The following VAT1L variants were observed in gnomAD, a reference collection of about 807,000 sequenced individuals.
The protein encoded by VAT1L is putative NADPH-dependent quinone oxidoreductase VAT1L.
VAT1L carries 34 observed loss-of-function variants against 44.1 expected under a neutral mutation model. The observed-to-expected ratio is 0.77, with a 90% confidence interval of 0.59 to 1.03. VAT1L has a LOEUF of 1.03. VAT1L is among the 50% of genes least tolerant of loss of function. The pLI, the probability that VAT1L is intolerant of heterozygous loss-of-function variation, is 0.00. For missense variants in VAT1L, 615 were observed against 538.8 expected (o/e 1.14, Z -1.40); for synonymous variants, 253 against 202.2 (o/e 1.25, Z -2.13).
chr16:77,818,773 A>G (rs909526774), intron 2 of VAT1L, among the ~76,000 whole-genome samples: 6 of 152,240 alleles, frequency 3.9e-5, no homozygotes, highest in African/African-American at 1.4e-4. Flanking sequence ...GCACAAAAAA[A>G]TAAGTCACTT....
At chr16:77,840,742 C>G (rs1430419503) in intron 3 of VAT1L, among the ~76,000 whole-genome samples, 4 of 148,870 alleles carry the variant, frequency 2.7e-5, no homozygotes, top group East Asian at 1.9e-4. Flanking sequence ...TGTTTGATTC[C>G]TGGCCCAGCT....
intron 3 of VAT1L, among the ~76,000 whole-genome samples, chr16:77,836,040 A>G (rs948303157): frequency 6.6e-6 from 1 of 152,144 alleles, no homozygotes; most frequent in Admixed American, 6.5e-5. Context: ...TCATCTGTAT[A>G]GTGGAGGTGA....
chr16:77,817,107 A>G (rs978931695), intron 2 of VAT1L, 57 bp downstream of exon 2: 24 of 1,576,200 alleles, frequency 1.5e-5, no homozygotes, highest in Non-Finnish European at 2.1e-5. Flanking sequence ...TTGAGACAAC[A>G]AAAGATGATG....
rs180723818 is a variant in VAT1L, at chr16:77,849,105, G to T, written c.580-13643G>T. On this transcript the variant is annotated intron_variant, in intron 3 of 8. Coordinates refer to ENST00000302536, the MANE Select transcript of VAT1L (RefSeq NM_020927.3). ...ACCTAATGTACATGATGGGTTGATG[G>T]GTGCAGCAAACCACCATGGCACGTG... Among the ~76,000 whole-genome samples the T allele has an allele frequency of 1.6e-4, 25 of 152,180 alleles. No homozygotes were observed. The East Asian group carries it at 4.8e-3, about 29-fold the overall frequency.
chr16:77,957,155 C>G (rs886714706), intron 7 of VAT1L, among the ~76,000 whole-genome samples: 1 of 152,176 alleles, frequency 6.6e-6, no homozygotes, highest in African/African-American at 2.4e-5. Flanking sequence ...AAAGATAGCT[C>G]CCCACTTGAG....
chr16:77,914,918 G>C (rs1313222882), intron 7 of VAT1L, among the ~76,000 whole-genome samples: 1 of 152,184 alleles, frequency 6.6e-6, no homozygotes, highest in Non-Finnish European at 1.5e-5. Context: ...CTGAGGTCGG[G>C]AGTTCGAGAC....
intron 7 of VAT1L, among the ~76,000 whole-genome samples, chr16:77,891,543 G>A (rs2017266047): frequency 6.6e-6 from 1 of 152,164 alleles, no homozygotes; most frequent in Non-Finnish European, 1.5e-5. Context: ...CTGTAGTGAA[G>A]GTCGCTGTCC....
At chr16:77,865,260 C>T (rs566164645) in intron 4 of VAT1L, among the ~76,000 whole-genome samples, 12 of 152,154 alleles carry the variant, frequency 7.9e-5, no homozygotes, top group Admixed American at 2.6e-4. Flanking sequence ...GGTGTGACTG[C>T]GCCCGGTCAG....
At chr16:77,966,200 C>T (rs1049013987) in intron 7 of VAT1L, among the ~76,000 whole-genome samples, 7 of 152,010 alleles carry the variant, frequency 4.6e-5, no homozygotes, top group East Asian at 3.8e-4. Flanking sequence ...ATTTGTGGTT[C>T]GCTTTATATT....
intron 2 of VAT1L, among the ~76,000 whole-genome samples, chr16:77,820,585 G>C (rs2016435901): frequency 6.6e-6 from 1 of 152,102 alleles, no homozygotes. Context: ...GCTTGTCTTA[G>C]CAACACCAAG....
chr16:77,900,228 C>T, intron 7 of VAT1L, among the ~76,000 whole-genome samples: 1 of 152,120 alleles, frequency 6.6e-6, no homozygotes, highest in Non-Finnish European at 1.5e-5. Context: ...GGAATCCAAG[C>T]CACATTCCTT....
chr16:77,950,920 TA>T (rs1231306201), intron 7 of VAT1L, among the ~76,000 whole-genome samples: 1 of 152,166 alleles, frequency 6.6e-6, no homozygotes, highest in East Asian at 1.9e-4. Context: ...TGGCAGCTAA[TA>T]AATGAACACG....
At chr16:77,935,915 G>A (rs2017790014) in intron 7 of VAT1L, among the ~76,000 whole-genome samples, 1 of 152,110 alleles carries the variant, frequency 6.6e-6, no homozygotes, top group Non-Finnish European at 1.5e-5. Flanking sequence ...GAAGTACCCG[G>A]CATTGTCTAA....
At chr16:77,968,023 A>G (rs1223096085) in intron 7 of VAT1L, among the ~76,000 whole-genome samples, 1 of 152,224 alleles carries the variant, frequency 6.6e-6, no homozygotes, top group Non-Finnish European at 1.5e-5. Context: ...ATCAGGGTAC[A>G]TTATCTGTAA....
At position 77,873,541 on chromosome 16, in the gene VAT1L, T is replaced by C. The variant is rs562974986; in HGVS notation, c.723-2829T>C. 3.9e-5 allele frequency among the ~76,000 whole-genome samples: 6 copies of C among 152,224 alleles called. No homozygotes were observed. The East Asian group carries it at 5.8e-4, about 15-fold the overall frequency. The stretch of plus-strand genomic sequence containing the variant: ...CTATTTCTTGAGAAGCAACACTATA[T>C]CCAACAGGAAGAGAAGGGCCATAGA... On this transcript the variant is annotated intron_variant, in intron 4 of 8. Coordinates refer to ENST00000302536, the MANE Select transcript of VAT1L (RefSeq NM_020927.3).
intron 7 of VAT1L, among the ~76,000 whole-genome samples, chr16:77,952,287 T>C (rs770427047): frequency 1.3e-5 from 2 of 152,148 alleles, no homozygotes; most frequent in Non-Finnish European, 2.9e-5. Flanking sequence ...ACAGTTTGGA[T>C]CTGTGTCCCA....
intron 4 of VAT1L, among the ~76,000 whole-genome samples, chr16:77,871,491 C>T (rs1165776787): frequency 2.6e-5 from 4 of 152,120 alleles, no homozygotes; most frequent in Non-Finnish European, 5.9e-5. Context: ...CAGTGGTGGT[C>T]GCCTCAGGGT....
At chr16:77,804,342 T>C (rs577856545) in intron 1 of VAT1L, among the ~76,000 whole-genome samples, 2 of 152,300 alleles carry the variant, frequency 1.3e-5, no homozygotes, top group African/African-American at 2.4e-5. Flanking sequence ...AGAGTTAGTC[T>C]CAGCATCTAG....
At chr16:77,843,038 C>A (rs984118536) in intron 3 of VAT1L, among the ~76,000 whole-genome samples, 6 of 152,168 alleles carry the variant, frequency 3.9e-5, no homozygotes, top group African/African-American at 1.4e-4. Context: ...TAAAGCCAGT[C>A]ACCCAAAGTC....
Sources: allele counts gnomAD v4.1 joint callset (sites outside exome capture counted in the v4.1 genomes callset), GRCh38; gene constraint gnomAD v4.1.1; transcripts MANE v1.5; gene names NCBI Gene and HGNC (gene_info 2026-07-23, HGNC 2026-07-21).